SYK: variants seen among roughly 807,000 people sequenced by gnomAD.
SYK encodes tyrosine-protein kinase SYK.
A neutral mutation model predicts 77.8 loss-of-function variants in SYK; 16 were observed. The ratio of observed to expected loss-of-function variants is 0.21; its 90% CI spans 0.14 to 0.31. The LOEUF is 0.31. Among genes scored for constraint, SYK ranks in the 10% least tolerant of loss-of-function variants. SYK has a pLI of 1.00. For missense variants in SYK, 529 were observed against 814.4 expected, an observed-to-expected ratio of 0.65 and a Z score of 4.26; for synonymous variants, 312 against 308.7, an observed-to-expected ratio of 1.01 and a Z score of -0.11.
intron 1 of SYK, among the ~76,000 whole-genome samples, chr9:90,809,912 A>G (rs1825011976): frequency 6.6e-6 from 1 of 152,046 alleles, no homozygotes; most frequent in Non-Finnish European, 1.5e-5. Context: ...CTGTTATGGA[A>G]ATGTTTGTGA....
intron 3 of SYK, among the ~76,000 whole-genome samples, chr9:90,850,070 G>T (rs1267343503): frequency 6.6e-6 from 1 of 152,202 alleles, no homozygotes; most frequent in Non-Finnish European, 1.5e-5. Context: ...GAGAAAACCA[G>T]GCAGGTCCCC....
Position 90,878,964 on chromosome 9 carries a change from C to T in SYK, c.1581+11C>T, listed in dbSNP as rs199609508. On this transcript the variant is annotated intron_variant, in intron 11 of 13. Coordinates refer to ENST00000375754, the MANE Select transcript of SYK (RefSeq NM_003177.7). ...GAAAACTACTACAAGGTAAGTACAA[C>T]TTAGCTAATATTCAGAGCAGCAGGT... 10 of 1,582,704 alleles carry T rather than the reference C, an allele frequency of 6.3e-6. No homozygotes were observed. In the Admixed American group the frequency reaches 6.7e-5, roughly 11 times the overall value.
chr9:90,841,949 TGTGTGTAGTGTGTTGTATGTGGA>T, intron 1 of SYK, among the ~76,000 whole-genome samples: 1 of 149,806 alleles, frequency 6.7e-6, no homozygotes, highest in Non-Finnish European at 1.5e-5. Flanking sequence ...GTGTGTGTGG[TGTGTGTAGTGTGTTGTATGTGGA>T]GTGTATGTAG....
intron 1 of SYK, among the ~76,000 whole-genome samples, chr9:90,805,579 C>T (rs1824796055): frequency 6.6e-6 from 1 of 152,346 alleles, no homozygotes; most frequent in African/African-American, 2.4e-5. Flanking sequence ...CTTAAGTATA[C>T]TCTGCCTGAC....
chr9:90,847,595 T>C (rs1826647405), intron 3 of SYK, among the ~76,000 whole-genome samples: 1 of 152,212 alleles, frequency 6.6e-6, no homozygotes, highest in African/African-American at 2.4e-5. Flanking sequence ...TGATGGTGCA[T>C]AGCACCCCAT....
intron 7 of SYK, among the ~76,000 whole-genome samples, chr9:90,869,385 T>C (rs1171743932): frequency 6.6e-6 from 1 of 152,172 alleles, no homozygotes; most frequent in Non-Finnish European, 1.5e-5. Context: ...TGATGACACA[T>C]ATATAAGGCC....
chr9:90,826,201 T>C (rs1431231435), intron 1 of SYK, among the ~76,000 whole-genome samples: 1 of 152,230 alleles, frequency 6.6e-6, no homozygotes, highest in East Asian at 1.9e-4. Flanking sequence ...AGAGGCAGGC[T>C]TCAAATATTG....
rs796254390 is a variant in SYK, at chr9:90,884,816, C to T, written c.1582-2933C>T. ...ACATATACACATATGTGTACATACA[C>T]ATATACACATATGTGTGTATATACA... is the stretch of plus-strand genomic sequence containing the variant. On this transcript the variant is annotated intron_variant, in intron 11 of 13. Transcript: ENST00000375754. 2.3e-3 allele frequency among the ~76,000 whole-genome samples: 109 copies of T among 48,184 alleles called. 34 individuals are homozygous for T. The highest frequency in any genetic ancestry group is 3.5e-3 in the Non-Finnish European group (92 of 26,628). The allele number at this position is 48,184 out of a possible 152,430, so 31.6% of individuals were successfully genotyped here. A position where few individuals can be genotyped will look rare whatever the true frequency, so the allele number is the denominator to read the frequency against.
intron 4 of SYK, 68 bp downstream of exon 4, chr9:90,862,412 C>T (rs1827309479): frequency 6.5e-7 from 1 of 1,534,938 alleles, no homozygotes; most frequent in African/African-American, 1.4e-5. Flanking sequence ...GTCCCATGGA[C>T]TCTTAGACAT....
intron 1 of SYK, among the ~76,000 whole-genome samples, chr9:90,832,875 C>G (rs973130455): frequency 9.2e-5 from 14 of 152,206 alleles, no homozygotes; most frequent in African/African-American, 3.1e-4. Flanking sequence ...TGGGTAGGCT[C>G]AGGCCCTCTG....
chr9:90,813,613 G>A (rs1474865263), intron 1 of SYK, among the ~76,000 whole-genome samples: 1 of 152,188 alleles, frequency 6.6e-6, no homozygotes, highest in Non-Finnish European at 1.5e-5. Flanking sequence ...GCTCAGAGAT[G>A]CTGTATGCAA....
In SYK at chr9:90,823,028, T is replaced by C. The variant is rs114206496; in HGVS notation, c.-41-20830T>C. 6.9e-3 allele frequency among the ~76,000 whole-genome samples: 1,050 copies of C among 152,276 alleles called. 15 individuals carry two copies. The highest frequency in any genetic ancestry group is 0.024 in the African/African-American group (1,016 of 41,544). On this transcript the variant is annotated intron_variant, in intron 1 of 13. Transcript: ENST00000375754. ...GCTTTCTCCATGACAATGGTTACTC[T>C]CCAAGGGAAAACACTTTGCAAGAGC...
At chr9:90,891,702 A>G (rs1246234675) in intron 13 of SYK, among the ~76,000 whole-genome samples, 1 of 152,202 alleles carries the variant, frequency 6.6e-6, no homozygotes, top group Non-Finnish European at 1.5e-5. Context: ...TTGTCTAAAC[A>G]TAAGAAATTC....
chr9:90,830,752 ATT>A, intron 1 of SYK, among the ~76,000 whole-genome samples: 1 of 151,638 alleles, frequency 6.6e-6, no homozygotes, highest in African/African-American at 2.4e-5. Flanking sequence ...CGCCTGGCTA[ATT>A]TTTTGTATTT....
intron 11 of SYK, among the ~76,000 whole-genome samples, chr9:90,880,232 G>C (rs1023286447): frequency 7.9e-5 from 12 of 152,224 alleles, no homozygotes; most frequent in African/African-American, 2.7e-4. Flanking sequence ...GTAGGTGATG[G>C]GGAATGGTGG....
At chr9:90,823,092 T>A (rs192405006) in intron 1 of SYK, among the ~76,000 whole-genome samples, 12 of 152,308 alleles carry the variant, frequency 7.9e-5, no homozygotes, top group African/African-American at 2.9e-4. Context: ...ATTCCTCAAG[T>A]TCCAGCACCC....
chr9:90,835,757 T>C lies in SYK; in HGVS notation c.-41-8101T>C, dbSNP rs902389082. Among the ~76,000 whole-genome samples the C allele has an allele frequency of 3.3e-5, 5 of 152,332 alleles. No individual in the cohort carries two copies. In the South Asian group the frequency reaches 1.0e-3, roughly 32 times the overall value. On this transcript the variant is annotated intron_variant, in intron 1 of 13. Transcript: ENST00000375754. ...CCACAGGGCTGGAGCATCTCGCAGA[T>C]TAGTTGCCAGGGTTCTCTGATTCTG...
At chr9:90,852,256 A>G (rs1049001762) in intron 3 of SYK, among the ~76,000 whole-genome samples, 2 of 152,240 alleles carry the variant, frequency 1.3e-5, no homozygotes, top group Non-Finnish European at 2.9e-5. Context: ...TGACTAAAAT[A>G]TCTTTTGCAA....
rs60327886 is a variant in SYK at position 90,828,235 on chromosome 9, GCC to G, written c.-41-15613_-41-15612del. 9.7e-3 allele frequency among the ~76,000 whole-genome samples: 537 copies of G among 55,458 alleles called. 9 individuals carry two copies. Among genetic ancestry groups the G allele is most frequent in the African/African-American group, 0.033 (492 of 14,952 alleles). 36.4% of individuals were successfully genotyped at this position (55,458 alleles called of 152,430 possible). A position where few individuals can be genotyped will look rare whatever the true frequency, so the allele number is the denominator to read the frequency against. On this transcript the variant is annotated intron_variant, in intron 1 of 13. Coordinates refer to ENST00000375754, the MANE Select transcript of SYK (RefSeq NM_003177.7). ...TGCAGTCTGCTGTGGCCTCACCCCC[GCC>G]CCCCCCCCCGCCCCGCCCAGGCCTT...
Sources: gnomAD v4.1 joint callset for allele counts (sites outside exome capture counted in the v4.1 genomes callset) on GRCh38, gnomAD v4.1.1 for gene constraint, MANE v1.5 for transcripts, NCBI Gene and HGNC (gene_info 2026-07-23, HGNC 2026-07-21) for gene names.